The following LMF1 variants were observed in gnomAD, a reference collection of about 807,000 sequenced individuals.
LMF1 encodes lipase maturation factor 1.
LMF1 carries 68 observed loss-of-function variants against 60.6 expected under a neutral mutation model. The observed-to-expected ratio is 1.12, with a 90% CI of 0.92 to 1.37. The LOEUF (loss-of-function observed/expected upper bound fraction) is 1.37, where lower values mean the gene tolerates loss of function less well. Ranked by LOEUF, LMF1 falls within the 40% of genes most tolerant of loss-of-function variation. LMF1 has a pLI of 0.00. For missense variants in LMF1, 948 were observed against 767.2 expected, an observed-to-expected ratio of 1.24 and a Z score of -2.78; for synonymous variants, 418 against 324.7, an observed-to-expected ratio of 1.29 and a Z score of -3.09.
chr16:885,908 T>C (rs60918276), intron 5 of LMF1, among the ~76,000 whole-genome samples: 12,218 of 152,308 alleles, frequency 0.08, 1,249 homozygotes, highest in African/African-American at 0.21. Flanking sequence ...CTGTTCATTT[T>C]TGGCTCAAAC....
intron 3 of LMF1, among the ~76,000 whole-genome samples, chr16:923,631 G>A (rs2071505987): frequency 6.6e-6 from 1 of 152,194 alleles, no homozygotes; most frequent in Admixed American, 6.5e-5. Context: ...ACGTGGAGGA[G>A]GGGCTGTGGA....
intron 4 of LMF1, among the ~76,000 whole-genome samples, chr16:910,708 A>G (rs1253407547): frequency 6.6e-6 from 1 of 152,180 alleles, no homozygotes; most frequent in Non-Finnish European, 1.5e-5. Flanking sequence ...GTTCTGTCCC[A>G]GAAACAGGGA....
chr16:914,567 C>A (rs2071220304), intron 3 of LMF1, among the ~76,000 whole-genome samples: 3 of 114,936 alleles, frequency 2.6e-5, no homozygotes, highest in Non-Finnish European at 3.9e-5. Flanking sequence ...GTGACACACT[C>A]CCTCTTTCCC....
intron 6 of LMF1, among the ~76,000 whole-genome samples, chr16:876,890 TACAAAGAACAAAGAGAAAAAC>T (rs2070002790): frequency 6.6e-6 from 1 of 151,804 alleles, no homozygotes; most frequent in African/African-American, 2.4e-5. Context: ...GAGAGAAAGA[TACAAAGAACAAAGAGAAAAAC>T]ACAAAGATGT....
upstream of LMF1, among the ~76,000 whole-genome samples, chr16:972,853 C>T (rs552116480): frequency 1.3e-4 from 20 of 152,354 alleles, no homozygotes; most frequent in African/African-American, 4.6e-4. Context: ...CTGCTGGGAG[C>T]TCCTGTTCTC....
chr16:976,646 C>T (rs891140051), intron 1 of LMF1: 1 of 454,096 alleles, frequency 2.2e-6, no homozygotes, highest in Admixed American at 2.3e-5. Flanking sequence ...TTGGCGCCCC[C>T]CACCCCCACA....
chr16:917,614 C>A (rs2071318284), intron 3 of LMF1, among the ~76,000 whole-genome samples: 1 of 152,222 alleles, frequency 6.6e-6, no homozygotes, highest in Non-Finnish European at 1.5e-5. Context: ...CCCGCTGACC[C>A]CTCCGGCTCA....
At chr16:867,553 C>T (rs1324761082) in intron 10 of LMF1, among the ~76,000 whole-genome samples, 2 of 152,206 alleles carry the variant, frequency 1.3e-5, no homozygotes, top group African/African-American at 4.8e-5. Flanking sequence ...CCCAGTGAGC[C>T]AGGGGAACGG....
rs188710914 is a variant in LMF1 at position 897,743 on chromosome 16, C to A, written c.664-4671G>T. The stretch of plus-strand genomic sequence containing the variant: ...TGGGCAGAGGCACTATGGGGTCTAT[C>A]AAGACCCTCTAGTCTCCATATCTGA... On this transcript the variant is annotated intron_variant, in intron 4 of 10. Coordinates refer to ENST00000262301, the MANE Select transcript of LMF1 (RefSeq NM_022773.4). The surrounding 1 kb of genome is among the most constrained non-coding windows in gnomAD (Gnocchi z 4.3). Among the ~76,000 whole-genome samples the A allele has an allele frequency of 6.6e-6, 1 of 152,176 alleles. No individual in the cohort carries two copies. Among genetic ancestry groups the A allele is most frequent in the Non-Finnish European group, 1.5e-5 (1 of 68,008 alleles).
chr16:870,779 G>A lies in LMF1; in HGVS notation c.1182C>T (p.Asn394=), dbSNP rs759749204. 6 of 1,612,906 alleles carry A rather than the reference G, an allele frequency of 3.7e-6. No homozygotes were observed. Among genetic ancestry groups the A allele is most frequent in the Non-Finnish European group, 5.1e-6 (6 of 1,179,702 alleles). ...LNLLSSRQVM[N]THFNSLHIVN... is the part of the protein sequence containing the mutation. ...CGATGTGAAGAGAGTTGAAGTGGGT[G>A]TTCATGACCTGCCTGGAGCTCAGCA... Residue 394 remains asparagine (N), a synonymous_variant, in exon 8 of 11, where the codon AAC becomes AAT. Coordinates refer to ENST00000262301, the MANE Select transcript of LMF1 (RefSeq NM_022773.4).
At position 874,889 on chromosome 16, in the gene LMF1, AC is replaced by A. The variant is rs1362402271; in HGVS notation, c.898-3549del. On this transcript the variant is annotated intron_variant, in intron 6 of 10. Coordinates refer to ENST00000262301, the MANE Select transcript of LMF1 (RefSeq NM_022773.4). This position sits in a 1 kb window ranked among gnomAD's most constrained non-coding sequence, Gnocchi z 4.1. Reference sequence around the variant, plus strand: ...GAGGGCGCGGGTCACTCTCAGCCCCACACCATATCATCCCCCAGACACCCTC... The same window carrying A: ...GAGGGCGCGGGTCACTCTCAGCCCCAACCATATCATCCCCCAGACACCCTC... Among the ~76,000 whole-genome samples the A allele has an allele frequency of 6.6e-6, 1 of 152,092 alleles. No individual in the cohort carries two copies. Among genetic ancestry groups the A allele is most frequent in the Non-Finnish European group, 1.5e-5 (1 of 68,000 alleles).
chr16:914,776 TTCC>T (rs2071233311), intron 3 of LMF1, among the ~76,000 whole-genome samples: 6 of 26,724 alleles, frequency 2.2e-4, no homozygotes, highest in Non-Finnish European at 2.5e-4. Flanking sequence ...CCTCCCTCCC[TTCC>T]CATGACCACT....
Position 870,815 on chromosome 16 carries a change from C to G in LMF1, c.1146G>C (p.Val382=). ...GCCTGGAGCTCAGCAAGTTGAGGAC[C>G]ACGGGCACGCTGAGCCAGGCCAGCA... The part of the protein sequence containing the change: ...GVLLAWLSVP[V]VLNLLSSRQV... The change falls in exon 8 of 11, where the codon GTG becomes GTC. Residue 382 remains valine, a synonymous_variant. Coordinates refer to ENST00000262301, the MANE Select transcript of LMF1 (RefSeq NM_022773.4). 6.2e-7 allele frequency: 1 copy of G among 1,612,626 alleles called. No homozygotes were observed. The highest frequency in any genetic ancestry group is 8.5e-7 in the Non-Finnish European group (1 of 1,179,786).
chr16:868,210 C>A (rs1328821170), intron 10 of LMF1, among the ~76,000 whole-genome samples: 1 of 152,042 alleles, frequency 6.6e-6, no homozygotes, highest in East Asian at 1.9e-4. Context: ...CACCCTGGGC[C>A]CCACCCCACA....
intron 3 of LMF1, chr16:933,671 T>C: frequency 3.7e-6 from 1 of 273,802 alleles, no homozygotes; most frequent in South Asian, 4.1e-5. Context: ...TCAGGTCTGC[T>C]TACCAAGCCA....
chr16:932,311 T>A (rs1467154902), intron 3 of LMF1, among the ~76,000 whole-genome samples: 1 of 152,210 alleles, frequency 6.6e-6, no homozygotes, highest in Non-Finnish European at 1.5e-5. Flanking sequence ...GGCAGCACCG[T>A]GGCCTCGCAG....
intron 4 of LMF1, chr16:901,646 G>T: frequency 6.6e-6 from 1 of 152,410 alleles, no homozygotes. Context: ...GAAACACGGG[G>T]GAAATGCTCC....
intron 10 of LMF1, chr16:855,373 T>G (rs2069157530): frequency 6.2e-6 from 2 of 322,858 alleles, no homozygotes; most frequent in Non-Finnish European, 1.2e-5. Flanking sequence ...GTCTCTCTGC[T>G]GAGCCCTGTA....
rs2069695159 is a variant in LMF1 at position 869,014 on chromosome 16, G to C, written c.1459C>G (p.Leu487Val). The change falls in exon 10 of 11, where the codon CTC (leucine) becomes GTC (valine). Residue 487 changes from leucine to valine, a missense_variant. Leu to Val is a conservative substitution (Grantham distance 32). Transcript: ENST00000262301. ...NDWIIHLAGK[L>V]LASDAEALSL... ...AAGGCCTCGGCGTCGCTGGCCAGGA[G>C]CTTGCCAGCCAGGTGGATGATCCAG... 2 of 1,612,652 alleles carry C rather than the reference G, an allele frequency of 1.2e-6. No homozygotes were observed. Among genetic ancestry groups the C allele is most frequent in the South Asian group, 1.1e-5 (1 of 91,082 alleles).
Sources: gnomAD v4.1 joint callset for allele counts (sites outside exome capture counted in the v4.1 genomes callset) on GRCh38, gnomAD v4.1.1 for gene constraint, Gnocchi (gnomAD v3.1) non-coding constraint, MANE v1.5 for transcripts, NCBI Gene and HGNC (gene_info 2026-07-23, HGNC 2026-07-21) for gene names.